Variants in TENM3 observed in about 807,000 individuals in gnomAD.
TENM3 encodes the protein teneurin-3.
Under a neutral mutation model 255.1 loss-of-function variants are expected in TENM3, and 63 were observed. The observed-to-expected ratio is 0.25, with a 90% CI of 0.20 to 0.30. TENM3 has a LOEUF of 0.30. Ranked by LOEUF, TENM3 falls within the 10% of genes least tolerant of loss-of-function variation. TENM3 has a pLI of 1.00. For missense variants in TENM3, 2,929 were observed against 3,461.1 expected (o/e 0.85, Z 3.86); for synonymous variants, 1,306 against 1,322.3 (o/e 0.99, Z 0.27).
chr4:181,535,483 A>G, the TENM3 span, among the ~76,000 whole-genome samples: 1 of 152,140 alleles, frequency 6.6e-6, no homozygotes, highest in African/African-American at 2.4e-5. Context: ...TGGCCCCTAC[A>G]GTCTCTCCTT....
chr4:182,084,353 C>T, the TENM3 span, among the ~76,000 whole-genome samples: 43 of 152,324 alleles, frequency 2.8e-4, no homozygotes, highest in African/African-American at 1.0e-3. Flanking sequence ...CATCACTTTA[C>T]ACCAGAAGGT....
rs898142842 is a variant in TENM3, at chr4:182,801,883, C to G, written c.*1532C>G. The G allele has an allele frequency of 6.6e-6, 1 of 152,562 alleles. No homozygotes were observed. Among genetic ancestry groups the G allele is most frequent in the Non-Finnish European group, 1.5e-5 (1 of 68,030 alleles). The allele number at this position is 152,562 out of a possible 1,614,324, so 9.5% of individuals were successfully genotyped here. A position where few individuals can be genotyped will look rare whatever the true frequency, so the allele number is the denominator to read the frequency against. On this transcript the variant is annotated 3_prime_UTR_variant, in exon 28 of 28. Transcript: ENST00000511685. ...CCAGCCGCCATCTGCACTTCCGTGTCGGCTCAGCTCTGACAAATCTCTTTC... is the reference window on the plus strand; with the variant it reads ...CCAGCCGCCATCTGCACTTCCGTGTGGGCTCAGCTCTGACAAATCTCTTTC...
At chr4:182,432,865 T>TGTGTGTG (rs1554066043) in intron 3 of TENM3, among the ~76,000 whole-genome samples, 1 of 151,372 alleles carries the variant, frequency 6.6e-6, no homozygotes. Flanking sequence ...TGTGTGTGTG[T>TGTGTGTG]TTTAGTAGAG....
the TENM3 span, among the ~76,000 whole-genome samples, chr4:181,744,856 G>C: frequency 6.6e-6 from 1 of 152,206 alleles, no homozygotes; most frequent in African/African-American, 2.4e-5. Context: ...ATTTACTAAG[G>C]TAAAGAAGAC....
chr4:181,888,506 A>ATGTG, the TENM3 span, among the ~76,000 whole-genome samples: 1 of 29,174 alleles, frequency 3.4e-5, no homozygotes, highest in African/African-American at 1.5e-4. Flanking sequence ...ATATATATAT[A>ATGTG]TATATATATG....
At chr4:181,660,192 G>A in the TENM3 span, among the ~76,000 whole-genome samples, 12 of 152,042 alleles carry the variant, frequency 7.9e-5, no homozygotes, top group African/African-American at 2.7e-4. Context: ...TGGTTAATTG[G>A]TCTTGAAAGA....
At position 182,291,696 on chromosome 4, in the gene TENM3, G is replaced by A. The variant is rs538685489; in HGVS notation, c.-75-32250G>A. On this transcript the variant is annotated intron_variant, in intron 1 of 27. Coordinates refer to ENST00000511685, the MANE Select transcript of TENM3 (RefSeq NM_001080477.4). ...AGAAACGAAAGCCAGCTTGACTTCCGAGTATGCATGCGTCCCTCCTCATGG... is the reference window on the plus strand; with the variant it reads ...AGAAACGAAAGCCAGCTTGACTTCCAAGTATGCATGCGTCCCTCCTCATGG... Among the ~76,000 whole-genome samples the A allele has an allele frequency of 5.3e-5, 8 of 152,270 alleles. No individual in the cohort carries two copies. In the East Asian group the frequency reaches 7.7e-4, roughly 15 times the overall value.
the TENM3 span, among the ~76,000 whole-genome samples, chr4:181,863,164 T>G: frequency 6.6e-6 from 1 of 152,152 alleles, no homozygotes; most frequent in Admixed American, 6.6e-5. Flanking sequence ...AGAATAAAAT[T>G]AACAGTTCAG....
rs1764438313 is a variant in TENM3, at chr4:182,773,561, T to C, written c.4982T>C (p.Val1661Ala). The C allele has an allele frequency of 6.2e-7, 1 of 1,613,834 alleles. No homozygotes were observed. Among genetic ancestry groups the C allele is most frequent in the African/African-American group, 1.3e-5 (1 of 74,924 alleles). Residue 1661 changes from valine (V) to alanine (A), a missense_variant, in exon 23 of 28, where the codon GTG becomes GCG. Physicochemically the swap from Val to Ala is moderately conservative, Grantham distance 64. Around this residue, in one of 6 missense-constraint regions of TENM3, gnomAD observed 1,608 missense variants for 1,884.4 expected, o/e 0.85. Transcript: ENST00000511685. Reference sequence around the variant, plus strand: ...GGGGACATGGACAAGGCTATCACAGTGGACATTGAGTCATCTAGCCGAGAA... The same window carrying C: ...GGGGACATGGACAAGGCTATCACAGCGGACATTGAGTCATCTAGCCGAGAA... ...LHGDMDKAIT[V>A]DIESSSREED...
At chr4:181,478,115 T>C in the TENM3 span, among the ~76,000 whole-genome samples, 1 of 152,188 alleles carries the variant, frequency 6.6e-6, no homozygotes, top group African/African-American at 2.4e-5. Flanking sequence ...GGGACAGAGC[T>C]TATAAATGAG....
At chr4:182,439,907 G>T (rs1772330615) in intron 3 of TENM3, among the ~76,000 whole-genome samples, 1 of 152,060 alleles carries the variant, frequency 6.6e-6, no homozygotes, top group Non-Finnish European at 1.5e-5. Flanking sequence ...GGTGCCTTCT[G>T]TCTCCCCATT....
chr4:182,208,747 C>T (rs534137572), intron 1 of TENM3, among the ~76,000 whole-genome samples: 1 of 152,254 alleles, frequency 6.6e-6, no homozygotes, highest in Admixed American at 6.5e-5. Context: ...TTCTTGGGAG[C>T]AGCTGATTTC....
At chr4:181,559,092 C>T in the TENM3 span, among the ~76,000 whole-genome samples, 2 of 150,336 alleles carry the variant, frequency 1.3e-5, no homozygotes, top group African/African-American at 2.5e-5. Flanking sequence ...ACTTGCTTTT[C>T]GAATTAAAAA....
intron 1 of TENM3, among the ~76,000 whole-genome samples, chr4:182,159,447 AGTGTGTGTGTGTGTGTGTGT>A (rs67981646): frequency 2.3e-5 from 3 of 130,722 alleles, no homozygotes; most frequent in East Asian, 4.3e-4. Flanking sequence ...AGTGTGTATG[AGTGTGTGTGTGTGTGTGTGT>A]GTGTGTGTGT....
At chr4:182,653,691 CTT>C in intron 5 of TENM3, 78 bp from the exon 6 acceptor site, 1 of 1,444,450 alleles carries the variant, frequency 6.9e-7, no homozygotes. Flanking sequence ...ACATATGACT[CTT>C]GTTTTAAACA....
At chr4:181,787,703 C>A in the TENM3 span, among the ~76,000 whole-genome samples, 1 of 152,054 alleles carries the variant, frequency 6.6e-6, no homozygotes, top group Admixed American at 6.6e-5. Flanking sequence ...CTATTTTAAC[C>A]AATTGCAAAT....
chr4:182,708,524 G>A (rs1187284522), intron 12 of TENM3, among the ~76,000 whole-genome samples: 1 of 152,216 alleles, frequency 6.6e-6, no homozygotes, highest in Non-Finnish European at 1.5e-5. Context: ...ACCTGGCGGG[G>A]CGTGGTGGCT....
chr4:181,654,754 C>CAAAA, the TENM3 span, among the ~76,000 whole-genome samples: 9 of 92,952 alleles, frequency 9.7e-5, no homozygotes, highest in South Asian at 8.2e-4. Context: ...AACTCCATCT[C>CAAAA]AAAAAAAAAA....
At chr4:182,366,117 A>G (rs1460290957) in intron 3 of TENM3, among the ~76,000 whole-genome samples, 1 of 152,126 alleles carries the variant, frequency 6.6e-6, no homozygotes, top group Non-Finnish European at 1.5e-5. Flanking sequence ...TAAGTTGCAA[A>G]TAGTTTTTAT....
Sources: gnomAD v4.1 joint callset for allele counts (sites outside exome capture counted in the v4.1 genomes callset) on GRCh38, gnomAD v4.1.1 for gene constraint, gnomAD v4.1.1 regional missense constraint, MANE v1.5 for transcripts, NCBI Gene and HGNC (gene_info 2026-07-23, HGNC 2026-07-21) for gene names.